STOX2: variants seen among roughly 807,000 people sequenced by gnomAD.
STOX2 encodes storkhead-box protein 2.
Under a neutral mutation model 60.9 loss-of-function variants are expected in STOX2, and 28 were observed. That is an observed-to-expected ratio of 0.46 (90% CI 0.34 to 0.63). The LOEUF (loss-of-function observed/expected upper bound fraction) is 0.63. Among genes scored for constraint, STOX2 ranks in the 30% least tolerant of loss-of-function variants. The pLI, the probability that STOX2 is intolerant of heterozygous loss-of-function variation, is 0.01. For missense variants in STOX2, 1,024 were observed against 1,187.7 expected, an observed-to-expected ratio of 0.86 and a Z score of 2.03; for synonymous variants, 472 against 463.9, an observed-to-expected ratio of 1.02 and a Z score of -0.22.
chr4:183,860,346 C>T (rs1740401278), intron 1 of STOX2, among the ~76,000 whole-genome samples: 1 of 151,030 alleles, frequency 6.6e-6, no homozygotes, highest in African/African-American at 2.4e-5. Context: ...GCCAAAACCC[C>T]AATCCAGGAC....
intron 1 of STOX2, among the ~76,000 whole-genome samples, chr4:183,847,940 T>C (rs761814366): frequency 2.1e-4 from 32 of 152,224 alleles, no homozygotes; most frequent in Non-Finnish European, 3.8e-4. Context: ...TGCTACCTTA[T>C]TACCTTTGGT....
At chr4:183,922,743 T>C (rs1742138870) in intron 1 of STOX2, among the ~76,000 whole-genome samples, 1 of 152,146 alleles carries the variant, frequency 6.6e-6, no homozygotes, top group Admixed American at 6.5e-5. Flanking sequence ...TGGGAACTGT[T>C]TTCATCTTGC....
upstream of STOX2, among the ~76,000 whole-genome samples, chr4:183,901,696 T>C (rs566850364): frequency 1.3e-5 from 2 of 152,102 alleles, no homozygotes; most frequent in African/African-American, 4.8e-5. Flanking sequence ...TGATACTGAG[T>C]ATCTTTTCAT....
chr4:183,911,314 G>A (rs1047634840), intron 1 of STOX2, among the ~76,000 whole-genome samples: 2 of 152,136 alleles, frequency 1.3e-5, no homozygotes, highest in African/African-American at 4.8e-5. Context: ...GAGTAATGAG[G>A]GGGGAAGAAA....
In STOX2 at chr4:184,022,258, A is replaced by G. The variant is rs979552427; in HGVS notation, c.*4974A>G. 2.6e-5 allele frequency: 4 copies of G among 152,202 alleles called. No homozygotes were observed. The highest frequency in any genetic ancestry group is 5.9e-5 in the Non-Finnish European group (4 of 68,038). The allele number at this position is 152,202 out of a possible 1,614,324, so 9.4% of individuals were successfully genotyped here. ...TTTCATAAATTACATATATGAAAAC[A>G]TTCATTATTACATTTCCTTGTGTGT... On this transcript the variant is annotated 3_prime_UTR_variant, in exon 4 of 4. Transcript: ENST00000308497.
At position 183,856,308 on chromosome 4, in the gene STOX2, G is replaced by T. The variant is rs1226124701; in HGVS notation, c.364+58253G>T. On this transcript the variant is annotated intron_variant, in intron 1 of 2. Transcript: ENST00000513034. The surrounding 1 kb of genome is among the most constrained non-coding windows in gnomAD (Gnocchi z 4.0). Reference sequence around the variant, plus strand: ...AAAAAAATCTGCACCATTAATTAAAGAAATGGCATGGGCTACACTAACAGA... The same window carrying T: ...AAAAAAATCTGCACCATTAATTAAATAAATGGCATGGGCTACACTAACAGA... Among the ~76,000 whole-genome samples the T allele has an allele frequency of 2.0e-5, 3 of 152,066 alleles. No homozygotes were observed. Among genetic ancestry groups the T allele is most frequent in the Non-Finnish European group, 4.4e-5 (3 of 68,018 alleles).
chr4:183,798,093 C>T (rs903667189), intron 1 of STOX2: 1 of 1,224,246 alleles, frequency 8.2e-7, no homozygotes, highest in Non-Finnish European at 1.0e-6. Context: ...CGTCCCTTCC[C>T]ACCGGATCGC....
At chr4:183,910,226 C>T (rs957294345) in intron 1 of STOX2, among the ~76,000 whole-genome samples, 5 of 152,134 alleles carry the variant, frequency 3.3e-5, no homozygotes, top group Non-Finnish European at 7.3e-5. Flanking sequence ...AGGGATTGGA[C>T]CAAATGGATG....
chr4:184,010,117 A>G lies in STOX2; in HGVS notation c.1279A>G (p.Thr427Ala), dbSNP rs764299710. Reference protein sequence around the residue: ...KGDNFIMHSNTNVLESHFPMT... With the variant: ...KGDNFIMHSNANVLESHFPMT... ...AGATAACTTCATCATGCACAGCAAC[A>G]CAAACGTGCTCGAGTCCCACTTCCC... The change falls in exon 3 of 4, where the codon ACA becomes GCA. Residue 427 changes from threonine to alanine, a missense_variant. Coordinates refer to ENST00000308497, the MANE Select transcript of STOX2 (RefSeq NM_020225.3). The surrounding 1 kb of genome is among the most constrained non-coding windows in gnomAD (Gnocchi z 4.5). 14 of 1,588,430 alleles carry G rather than the reference A, an allele frequency of 8.8e-6. No individual in the cohort carries two copies. In the Admixed American group the frequency reaches 2.3e-4, roughly 27 times the overall value.
intron 1 of STOX2, among the ~76,000 whole-genome samples, chr4:183,938,146 C>T (rs1345932548): frequency 6.6e-6 from 1 of 152,116 alleles, no homozygotes; most frequent in East Asian, 1.9e-4. Context: ...GAGACCCTGT[C>T]TCAAGAAACA....
chr4:183,995,460 A>C (rs1579520982), intron 1 of STOX2, among the ~76,000 whole-genome samples: 1 of 152,050 alleles, frequency 6.6e-6, no homozygotes, highest in East Asian at 1.9e-4. Context: ...CTCCAACTAA[A>C]GTAATGGGCC....
intron 1 of STOX2, among the ~76,000 whole-genome samples, chr4:183,939,189 C>T (rs1214820676): frequency 6.6e-6 from 1 of 152,226 alleles, no homozygotes; most frequent in African/African-American, 2.4e-5. Flanking sequence ...AAGTAGCACA[C>T]ACTGGGTGGC....
intron 1 of STOX2, chr4:183,798,548 C>A: frequency 1.1e-6 from 1 of 900,444 alleles, no homozygotes; most frequent in Non-Finnish European, 1.3e-6. Context: ...CTGCGGGGGA[C>A]GCGCCGGGAA....
At chr4:183,861,015 A>C (rs1163420933) in intron 1 of STOX2, among the ~76,000 whole-genome samples, 1 of 152,226 alleles carries the variant, frequency 6.6e-6, no homozygotes, top group Non-Finnish European at 1.5e-5. Context: ...ATTTGGAGAA[A>C]CAAATCCTTT....
At position 184,009,277 on chromosome 4, in the gene STOX2, A is replaced by G. The variant is rs1454565638; in HGVS notation, c.439A>G (p.Thr147Ala). ...CGTGACCCCACAGACTTATTTCATA[A>G]CTCCTTCCCTCATAAGAACTAACAG... is the stretch of plus-strand genomic sequence containing the variant. ...FIVTPQTYFI[T>A]PSLIRTNSKW... is the part of the protein sequence containing the mutation. Residue 147 changes from threonine to alanine, a missense_variant, in exon 3 of 4, where the codon ACT becomes GCT. By Grantham distance (58) the Thr-to-Ala change is moderately conservative. This residue lies in a region of STOX2 where 922 missense variants were observed against 1,058.3 expected (regional missense o/e 0.87). Coordinates refer to ENST00000308497, the MANE Select transcript of STOX2 (RefSeq NM_020225.3). This position sits in a 1 kb window ranked among gnomAD's most constrained non-coding sequence, Gnocchi z 4.0. 1 of 1,613,340 alleles carries G rather than the reference A, an allele frequency of 6.2e-7. No homozygotes were observed. Among genetic ancestry groups the G allele is most frequent in the Non-Finnish European group, 8.5e-7 (1 of 1,179,764 alleles).
intron 1 of STOX2, among the ~76,000 whole-genome samples, chr4:183,823,641 AG>A (rs1298922707): frequency 6.6e-6 from 1 of 152,234 alleles, no homozygotes; most frequent in Non-Finnish European, 1.5e-5. Flanking sequence ...AAGAAGTTCC[AG>A]CAAAGCACGT....
intron 1 of STOX2, among the ~76,000 whole-genome samples, chr4:183,999,730 A>C (rs905623975): frequency 6.6e-6 from 1 of 152,090 alleles, no homozygotes; most frequent in Non-Finnish European, 1.5e-5. Context: ...CATCGAGCAA[A>C]CCATTTCTCT....
At chr4:183,951,071 CCGGG>C (rs1317375628) in intron 1 of STOX2, among the ~76,000 whole-genome samples, 1 of 151,860 alleles carries the variant, frequency 6.6e-6, no homozygotes, top group Non-Finnish European at 1.5e-5. Context: ...AAAAAATTAG[CCGGG>C]CGTGGTGGCG....
At chr4:183,863,661 T>C (rs1740501288) in intron 1 of STOX2, among the ~76,000 whole-genome samples, 1 of 152,242 alleles carries the variant, frequency 6.6e-6, no homozygotes, top group African/African-American at 2.4e-5. Context: ...ACCAGTCTTA[T>C]CTGGTTTAAA....
Sources: allele counts gnomAD v4.1 joint callset (sites outside exome capture counted in the v4.1 genomes callset), GRCh38; gene constraint gnomAD v4.1.1; regional missense constraint gnomAD v4.1.1; non-coding constraint Gnocchi (gnomAD v3.1); transcripts MANE v1.5; gene names NCBI Gene and HGNC (gene_info 2026-07-23, HGNC 2026-07-21).